Variants in EYS observed in about 807,000 individuals in gnomAD.
The protein encoded by EYS is EGF-like photoreceptor maintenance factor, also known as protein eyes shut homolog.
Under a neutral mutation model 282.1 loss-of-function variants are expected in EYS, and 250 were observed. The observed-to-expected ratio is 0.89, with a 90% confidence interval of 0.80 to 0.98. The LOEUF (loss-of-function observed/expected upper bound fraction) is 0.98, where lower values mean the gene tolerates loss of function less well. Among genes scored for constraint, EYS ranks in the 50% least tolerant of loss-of-function variants. The pLI is 0.00. For missense variants in EYS, 4,016 were observed against 3,709.0 expected (o/e 1.08, Z -2.15); for synonymous variants, 1,355 against 1,282.9 (o/e 1.06, Z -1.20).
At chr6:64,884,991 C>G (rs185877585) in intron 19 of EYS, among the ~76,000 whole-genome samples, 20 of 151,678 alleles carry the variant, frequency 1.3e-4, no homozygotes, top group African/African-American at 4.8e-4. Flanking sequence ...TCCTTTGACT[C>G]AAGTGTAGAA....
chr6:65,539,390 A>G (rs1768079502), intron 2 of EYS, among the ~76,000 whole-genome samples: 1 of 152,182 alleles, frequency 6.6e-6, no homozygotes, highest in Non-Finnish European at 1.5e-5. Context: ...TCCTAAAACA[A>G]ACTTATAGAA....
rs554549409 is a variant in EYS at position 65,636,545 on chromosome 6, A to AT, written c.-333+3232_-333+3233insA. Reference sequence around the variant, plus strand: ...CTCTTCCTTGACTATTCTGTATAAAACAGCCAACAATTAACCACTTCCCTT... The same window carrying AT: ...CTCTTCCTTGACTATTCTGTATAAAATCAGCCAACAATTAACCACTTCCCTT... On this transcript the variant is annotated intron_variant, in intron 2 of 42. Transcript: ENST00000503581. 3.3e-4 allele frequency among the ~76,000 whole-genome samples: 51 copies of AT among 152,326 alleles called. No individual in the cohort carries two copies. In the Middle Eastern group the frequency reaches 0.01, roughly 30 times the overall value.
At chr6:65,408,124 T>G (rs1230559552) in intron 5 of EYS, among the ~76,000 whole-genome samples, 1 of 152,086 alleles carries the variant, frequency 6.6e-6, no homozygotes, top group African/African-American at 2.4e-5. Flanking sequence ...TTATCTTGAA[T>G]CCTGGGGAAA....
intron 29 of EYS, among the ~76,000 whole-genome samples, chr6:64,380,550 A>C (rs6454814): frequency 0.69 from 104,252 of 151,938 alleles, 35,806 homozygotes; most frequent in South Asian, 0.71. Context: ...ATTGCCTCAC[A>C]AAATTATAAA....
intron 18 of EYS, among the ~76,000 whole-genome samples, chr6:64,892,070 A>T (rs530939172): frequency 6.6e-6 from 1 of 152,080 alleles, no homozygotes; most frequent in African/African-American, 2.4e-5. Context: ...TCAACATATT[A>T]AAATAGAGAT....
chr6:65,005,977 AC>A (rs919300279), intron 13 of EYS, among the ~76,000 whole-genome samples: 3 of 152,154 alleles, frequency 2.0e-5, no homozygotes, highest in Non-Finnish European at 2.9e-5. Flanking sequence ...CCTCCTAGGT[AC>A]TAATGGTTCA....
At chr6:64,595,682 A>G (rs1329273678) in intron 24 of EYS, among the ~76,000 whole-genome samples, 2 of 152,168 alleles carry the variant, frequency 1.3e-5, no homozygotes, top group Admixed American at 6.5e-5. Flanking sequence ...ATGCAATCCC[A>G]GTCACAATAG....
intron 14 of EYS, among the ~76,000 whole-genome samples, chr6:64,988,382 T>G (rs9363304): frequency 6.6e-6 from 1 of 151,212 alleles, no homozygotes; most frequent in African/African-American, 2.4e-5. Context: ...AATGCTATCA[T>G]GTCAAACAAA....
chr6:64,524,462 G>A (rs1009019674), intron 26 of EYS, among the ~76,000 whole-genome samples: 18 of 151,628 alleles, frequency 1.2e-4, no homozygotes, highest in South Asian at 6.2e-4. Context: ...TTTGCTGTGC[G>A]TAAGCTCTTA....
intron 31 of EYS, among the ~76,000 whole-genome samples, chr6:64,216,164 T>G (rs188448384): frequency 6.6e-6 from 1 of 152,220 alleles, no homozygotes; most frequent in Admixed American, 6.5e-5. Context: ...CACAGATCCA[T>G]TGGAAAAGAA....
chr6:65,531,120 GCTTTTAAAACTCTTTGAT>G (rs1767752979), intron 2 of EYS, among the ~76,000 whole-genome samples: 1 of 152,074 alleles, frequency 6.6e-6, no homozygotes, highest in Non-Finnish European at 1.5e-5. Context: ...ATTATTCAGT[GCTTTTAAAACTCTTTGAT>G]CCATGATACC....
chr6:64,107,287 A>ATATATATATATATATATATATATT (rs1554208108), intron 31 of EYS, among the ~76,000 whole-genome samples: 40 of 59,602 alleles, frequency 6.7e-4, no homozygotes, highest in East Asian at 5.5e-3. Flanking sequence ...ATATATATTT[A>ATATATATATATATATATATATATT]TATATATATA....
In EYS at chr6:64,921,442, G is replaced by A. The variant is rs556337248; in HGVS notation, c.2382-8699C>T. Among the ~76,000 whole-genome samples the A allele has an allele frequency of 2.2e-4, 33 of 152,168 alleles. 1 individual carries two copies. In the East Asian group the frequency reaches 5.8e-3, roughly 27 times the overall value. The stretch of plus-strand genomic sequence containing the variant: ...AGGATAGCAGAGATAAGAGAGAAAT[G>A]GAAAGAAGGAAAGAGAAGCAAAATA... On this transcript the variant is annotated intron_variant, in intron 15 of 42. Coordinates refer to ENST00000503581, the MANE Select transcript of EYS (RefSeq NM_001142800.2).
At chr6:65,006,897 C>G (rs1329438477) in intron 13 of EYS, among the ~76,000 whole-genome samples, 1 of 152,198 alleles carries the variant, frequency 6.6e-6, no homozygotes, top group Non-Finnish European at 1.5e-5. Flanking sequence ...AATCCAGACT[C>G]AAAAGTTTTG....
Position 63,914,987 on chromosome 6 carries a change from A to C in EYS, c.7056-50629T>G, listed in dbSNP as rs1230094384. On this transcript the variant is annotated intron_variant, in intron 35 of 42. Transcript: ENST00000503581. ...AAGGTGAAGCAGCAAGTGCTAGTAG[A>C]AGCTACAGCATGTTATTCAGAAAAT... Among the ~76,000 whole-genome samples, 3 of 152,310 alleles carry C rather than the reference A, an allele frequency of 2.0e-5. No individual in the cohort carries two copies. The East Asian group carries it at 5.8e-4, about 29-fold the overall frequency.
At chr6:64,328,877 G>A (rs982895510) in intron 29 of EYS, among the ~76,000 whole-genome samples, 3 of 152,148 alleles carry the variant, frequency 2.0e-5, no homozygotes, top group African/African-American at 7.2e-5. Context: ...AGCTGACCTA[G>A]GCCTGAGAGA....
In EYS at chr6:65,443,146, C is replaced by A. The variant is rs893226137; in HGVS notation, c.863-37779G>T. Among the ~76,000 whole-genome samples the A allele has an allele frequency of 3.3e-5, 5 of 150,530 alleles. 1 individual carries two copies. The highest frequency in any genetic ancestry group is 5.9e-5 in the Non-Finnish European group (4 of 67,368). ...TATGTACACATCATACATATATGTA[C>A]ACATCATACACATATATGAGCACAT... is the stretch of plus-strand genomic sequence containing the variant. On this transcript the variant is annotated intron_variant, in intron 5 of 42. Coordinates refer to ENST00000503581, the MANE Select transcript of EYS (RefSeq NM_001142800.2).
At chr6:64,254,675 G>A (rs1023018500) in intron 30 of EYS, among the ~76,000 whole-genome samples, 7 of 151,950 alleles carry the variant, frequency 4.6e-5, no homozygotes, top group Non-Finnish European at 7.4e-5. Flanking sequence ...TGCTCACCTG[G>A]GGTTTCTGTA....
chr6:64,590,210 C>T lies in EYS; in HGVS notation c.5644+13G>A, dbSNP rs775108781. The T allele has an allele frequency of 3.4e-5, 51 of 1,518,446 alleles. No homozygotes were observed. The South Asian group carries it at 5.9e-4, about 17-fold the overall frequency. The allele number at this position is 1,518,446 out of a possible 1,614,324, so 94.1% of individuals were successfully genotyped here. A position where few individuals can be genotyped will look rare whatever the true frequency, so the allele number is the denominator to read the frequency against. On this transcript the variant is annotated intron_variant, in intron 26 of 42. Transcript: ENST00000503581. ...TTTCTAAAAGTTTACTGAACAGAAA[C>T]TGAGAAACTCACCAGAAATCATCAG...
Sources: gnomAD v4.1 joint callset for allele counts (sites outside exome capture counted in the v4.1 genomes callset) on GRCh38, gnomAD v4.1.1 for gene constraint, MANE v1.5 for transcripts, NCBI Gene and HGNC (gene_info 2026-07-23, HGNC 2026-07-21) for gene names.